HRH2: variants seen among roughly 807,000 people sequenced by gnomAD.
HRH2 encodes the protein histamine H2 receptor.
HRH2 carries 4 observed loss-of-function variants against 20.1 expected under a neutral mutation model. The observed-to-expected ratio is 0.20, with a 90% CI of 0.10 to 0.45. The LOEUF is 0.45. HRH2 is among the 20% of genes least tolerant of loss of function. The probability of loss-of-function intolerance (pLI) is 0.99; values close to 1 mark genes in which losing one functional copy is unlikely to be tolerated. For missense variants in HRH2, 250 were observed against 461.6 expected, an observed-to-expected ratio of 0.54 and a Z score of 4.20; for synonymous variants, 197 against 200.7, an observed-to-expected ratio of 0.98 and a Z score of 0.16.
At chr5:175,662,677 T>C (rs899213303) in intron 1 of HRH2, among the ~76,000 whole-genome samples, 3 of 152,162 alleles carry the variant, frequency 2.0e-5, no homozygotes, top group Non-Finnish European at 4.4e-5. Flanking sequence ...AGAGACATAA[T>C]TCATATACTA....
Position 175,693,204 on chromosome 5 carries a change from G to C in HRH2, c.1076+8895G>C, listed in dbSNP as rs940057969. 6.6e-6 allele frequency among the ~76,000 whole-genome samples: 1 copy of C among 152,222 alleles called. No homozygotes were observed. The highest frequency in any genetic ancestry group is 1.5e-5 in the Non-Finnish European group (1 of 68,038). On this transcript the variant is annotated intron_variant, in intron 2 of 2. Transcript: ENST00000636584. The surrounding 1 kb of genome is among the most constrained non-coding windows in gnomAD (Gnocchi z 4.4). The stretch of plus-strand genomic sequence containing the variant: ...AGTCACAGGGCTCCCTGTTTTGGGG[G>C]CTTCATTACGCTCGCAGTGGCTGTT...
At chr5:175,705,363 G>A (rs1332002631) in intron 2 of HRH2, among the ~76,000 whole-genome samples, 1 of 152,174 alleles carries the variant, frequency 6.6e-6, no homozygotes, top group Admixed American at 6.5e-5. Context: ...TACACCGGGG[G>A]ACAGGTCCAG....
At position 175,705,059 on chromosome 5, in the gene HRH2, T is replaced by A. The variant is rs539299430; in HGVS notation, c.1077-2720T>A. Among the ~76,000 whole-genome samples the A allele has an allele frequency of 2.0e-5, 3 of 152,242 alleles. No homozygotes were observed. The East Asian group carries it at 5.8e-4, about 29-fold the overall frequency. On this transcript the variant is annotated intron_variant, in intron 2 of 2. Transcript: ENST00000636584. Reference sequence around the variant, plus strand: ...ACCCTTGTTATACCCTAACATTAATTCAAATGACTCATAGATCCTGGAGGA... The same window carrying A: ...ACCCTTGTTATACCCTAACATTAATACAAATGACTCATAGATCCTGGAGGA...
intron 2 of HRH2, among the ~76,000 whole-genome samples, chr5:175,705,569 C>T (rs1251837062): frequency 6.6e-6 from 1 of 152,040 alleles, no homozygotes; most frequent in Non-Finnish European, 1.5e-5. Context: ...TAGTTATCAA[C>T]TTATGCCCAA....
rs1221048608 is a variant in HRH2 at position 175,686,743 on chromosome 5, C to A, written c.1076+2434C>A. Among the ~76,000 whole-genome samples the A allele has an allele frequency of 1.3e-5, 2 of 152,212 alleles. No individual in the cohort carries two copies. Among genetic ancestry groups the A allele is most frequent in the Non-Finnish European group, 2.9e-5 (2 of 68,042 alleles). The stretch of plus-strand genomic sequence containing the variant: ...ACCCTTGAGACTCAGGGCCTCACTT[C>A]ATCCTCCACACAACCCTGTGAAGCA... On this transcript the variant is annotated intron_variant, in intron 2 of 2. Transcript: ENST00000636584. The surrounding 1 kb of genome is among the most constrained non-coding windows in gnomAD (Gnocchi z 4.7).
intron 2 of HRH2, among the ~76,000 whole-genome samples, chr5:175,699,365 G>A (rs1302201971): frequency 2.0e-5 from 3 of 152,226 alleles, no homozygotes; most frequent in Admixed American, 6.5e-5. Flanking sequence ...ACCCCTGTGA[G>A]GTGGGTTGTG....
At chr5:175,704,410 A>AG (rs1458477268) in intron 2 of HRH2, among the ~76,000 whole-genome samples, 1 of 152,144 alleles carries the variant, frequency 6.6e-6, no homozygotes, top group East Asian at 1.9e-4. Flanking sequence ...CAATCGAAGC[A>AG]GAAAAAAAAA....
At chr5:175,664,678 A>G (rs1387849695) in intron 1 of HRH2, among the ~76,000 whole-genome samples, 1 of 152,042 alleles carries the variant, frequency 6.6e-6, no homozygotes, top group African/African-American at 2.4e-5. Context: ...TCTGTCACCC[A>G]AACCGGAGTG....
At chr5:175,702,466 A>G (rs1205755118) in intron 2 of HRH2, among the ~76,000 whole-genome samples, 2 of 151,938 alleles carry the variant, frequency 1.3e-5, no homozygotes, top group East Asian at 3.9e-4. Flanking sequence ...TTTTGAAAGC[A>G]TAGGAAGGAA....
chr5:175,667,549 C>A (rs1166879649), intron 1 of HRH2, among the ~76,000 whole-genome samples: 4 of 150,758 alleles, frequency 2.7e-5, no homozygotes, highest in Non-Finnish European at 5.9e-5. Context: ...ACCATCCAGT[C>A]TGTCCTACCA....
chr5:175,707,644 T>TCCCCCACCCCAGCC, intron 2 of HRH2, 135 bp from the exon 3 acceptor site: 1 of 150,942 alleles, frequency 6.6e-6, no homozygotes, highest in Non-Finnish European at 1.5e-5. Flanking sequence ...AAAGGGCGGT[T>TCCCCCACCCCAGCC]CCCCTCCCCT....
chr5:175,702,598 C>T (rs1471427843), intron 2 of HRH2, among the ~76,000 whole-genome samples: 1 of 134,490 alleles, frequency 7.4e-6, no homozygotes, highest in Non-Finnish European at 1.5e-5. Context: ...GCCGCCCAGG[C>T]TGGAGTGCAG....
rs1561731362 is a variant in HRH2, at chr5:175,684,287, G to A, written c.1054G>A (p.Ala352Thr). Residue 352 changes from alanine to threonine, a missense_variant, in exon 2 of 3, where the codon GCC becomes ACC. By Grantham distance (58) the Ala-to-Thr change is moderately conservative (BLOSUM62 0). Around this residue, in one of 5 missense-constraint regions of HRH2, gnomAD observed 55 missense variants for 66.9 expected, o/e 0.82. Transcript: ENST00000636584. Reference sequence around the variant, plus strand: ...GGTGTGGAGTGGGACAGAAGTCACGGCCCCCCAGGGAGCCACAGACAGGTA... The same window carrying A: ...GGTGTGGAGTGGGACAGAAGTCACGACCCCCCAGGGAGCCACAGACAGGTA... ...LQVWSGTEVT[A>T]PQGATDRKPA... 3 of 1,613,986 alleles carry A rather than the reference G, an allele frequency of 1.9e-6. No homozygotes were observed. Among genetic ancestry groups the A allele is most frequent in the Non-Finnish European group, 2.5e-6 (3 of 1,179,944 alleles).
rs888091056 is a variant in HRH2 at position 175,687,366 on chromosome 5, A to G, written c.1076+3057A>G. 1.6e-4 allele frequency among the ~76,000 whole-genome samples: 25 copies of G among 152,232 alleles called. No individual in the cohort carries two copies. The highest frequency in any genetic ancestry group is 5.5e-4 in the African/African-American group (23 of 41,540). On this transcript the variant is annotated intron_variant, in intron 2 of 2. Coordinates refer to ENST00000636584, the MANE Select transcript of HRH2 (RefSeq NM_001367711.1). The surrounding 1 kb of genome is among the most constrained non-coding windows in gnomAD (Gnocchi z 5.2). Reference sequence around the variant, plus strand: ...CCCGCACTGACCCAGAGCCGTTATCACTGCCAAGATTGGGCTGTCTGCCTG... The same window carrying G: ...CCCGCACTGACCCAGAGCCGTTATCGCTGCCAAGATTGGGCTGTCTGCCTG...
In HRH2 at chr5:175,708,023, C is replaced by T. The variant is rs1757000585; in HGVS notation, c.*52C>T. ...CGCTCCCGGTCCCCAAGATGTGACT[C>T]CTGGAGCTCCTAAGGACCCAGTCTC... On this transcript the variant is annotated 3_prime_UTR_variant, in exon 3 of 3. Transcript: ENST00000636584. 2 of 398,882 alleles carry T rather than the reference C, an allele frequency of 5.0e-6. No individual in the cohort carries two copies. The highest frequency in any genetic ancestry group is 1.3e-4 in the South Asian group (1 of 7,760). 24.7% of individuals were successfully genotyped at this position (398,882 alleles called of 1,614,324 possible).
chr5:175,659,729 A>G (rs978845738), intron 1 of HRH2, among the ~76,000 whole-genome samples: 1 of 152,182 alleles, frequency 6.6e-6, no homozygotes, highest in Non-Finnish European at 1.5e-5. Flanking sequence ...GGCATAGCAC[A>G]GGGCCTGGCA....
In HRH2 at chr5:175,673,996, C is replaced by T. The variant is rs1455086710; in HGVS notation, c.-525-8713C>T. ...CTAGGATTACAGACGTGAGCCACCACACCCAGCCACCTCAATTTTCTTTTT... is the reference window on the plus strand; with the variant it reads ...CTAGGATTACAGACGTGAGCCACCATACCCAGCCACCTCAATTTTCTTTTT... On this transcript the variant is annotated intron_variant, in intron 1 of 2. Transcript: ENST00000636584. Among the ~76,000 whole-genome samples the T allele has an allele frequency of 2.0e-5, 3 of 152,324 alleles. No homozygotes were observed. The East Asian group carries it at 5.8e-4, about 29-fold the overall frequency.
In HRH2 at chr5:175,684,047, A is replaced by G. The variant is rs1397624620; in HGVS notation, c.814A>G (p.Ile272Val). ...DDAINEVLEA[I>V]VLWLGYANSA... is the part of the protein sequence containing the mutation. ...TGCCATCAATGAGGTGTTAGAAGCC[A>G]TCGTTCTGTGGCTGGGCTATGCCAA... is the stretch of plus-strand genomic sequence containing the variant. Residue 272 changes from isoleucine to valine, a missense_variant, in exon 2 of 3, where the codon ATC becomes GTC. Coordinates refer to ENST00000636584, the MANE Select transcript of HRH2 (RefSeq NM_001367711.1). 4 of 1,614,074 alleles carry G rather than the reference A, an allele frequency of 2.5e-6. No homozygotes were observed. Among genetic ancestry groups the G allele is most frequent in the Admixed American group, 1.7e-5 (1 of 60,012 alleles).
intron 1 of HRH2, among the ~76,000 whole-genome samples, chr5:175,661,429 C>T (rs1762734592): frequency 6.6e-6 from 1 of 152,194 alleles, no homozygotes; most frequent in African/African-American, 2.4e-5. Context: ...TGTATTCTTA[C>T]TATGTTCCCA....
Sources: gnomAD v4.1 joint callset for allele counts (sites outside exome capture counted in the v4.1 genomes callset) on GRCh38, gnomAD v4.1.1 for gene constraint, gnomAD v4.1.1 regional missense constraint, Gnocchi (gnomAD v3.1) non-coding constraint, MANE v1.5 for transcripts, NCBI Gene and HGNC (gene_info 2026-07-23, HGNC 2026-07-21) for gene names.